NUP93: variants seen among roughly 807,000 people sequenced by gnomAD.
NUP93 encodes nuclear pore complex protein Nup93.
In NUP93, 55 loss-of-function variants were observed where a neutral mutation model predicts 107.8. The ratio of observed to expected loss-of-function variants is 0.51; its 90% CI spans 0.41 to 0.64. The LOEUF is 0.64. Among genes scored for constraint, NUP93 ranks in the 30% least tolerant of loss-of-function variants. NUP93 has a pLI of 0.00. For synonymous variants in NUP93, 390 were observed against 397.5 expected (o/e 0.98, Z 0.22); for missense variants, 937 against 1,044.7 (o/e 0.90, Z 1.42).
chr16:56,823,647 A>G (rs1427526495), intron 7 of NUP93, 60 bp from the exon 8 acceptor site: 53 of 1,591,200 alleles, frequency 3.3e-5, no homozygotes, highest in African/African-American at 4.0e-5. Context: ...AGTGCCACAA[A>G]GAACTAGATA....
intron 8 of NUP93, among the ~76,000 whole-genome samples, chr16:56,826,492 G>A (rs1596846774): frequency 1.4e-5 from 2 of 147,834 alleles, no homozygotes; most frequent in East Asian, 2.0e-4. Flanking sequence ...CTCCAGTCTG[G>A]GCAACAAAGC....
At chr16:56,805,789 C>G in intron 5 of NUP93, 157 bp downstream of exon 5, 1 of 734,040 alleles carries the variant, frequency 1.4e-6, no homozygotes, top group Non-Finnish European at 2.2e-6. Flanking sequence ...GCCTGGACTT[C>G]CTCCAACATG....
chr16:56,739,725 A>ACC (rs1961682773), intron 1 of NUP93, among the ~76,000 whole-genome samples: 1 of 81,500 alleles, frequency 1.2e-5, no homozygotes, highest in Non-Finnish European at 2.3e-5. Context: ...CGGGGGGCCG[A>ACC]CCCCCCCACC....
In NUP93 at chr16:56,836,708, C is replaced by T. The variant is rs779656575; in HGVS notation, c.1890C>T (p.Asp630=). The stretch of plus-strand genomic sequence containing the variant: ...TTGAAGAGGCAGCAAAGCTGTATGA[C>T]CTTGCCAAGGTAAAGTGTGCCCACT... The part of the protein sequence containing the change: ...GLFEEAAKLY[D]LAKNADKVLE... Residue 630 remains aspartate, a synonymous_variant, in exon 17 of 22, where the codon GAC becomes GAT. Transcript: ENST00000308159. 1 of 1,610,192 alleles carries T rather than the reference C, an allele frequency of 6.2e-7. No individual in the cohort carries two copies. Among genetic ancestry groups the T allele is most frequent in the South Asian group, 1.1e-5 (1 of 90,806 alleles).
At position 56,759,987 on chromosome 16, in the gene NUP93, A is replaced by G. The variant is rs142779815; in HGVS notation, c.297+1332A>G. 5.9e-3 allele frequency among the ~76,000 whole-genome samples: 895 copies of G among 152,204 alleles called. 5 individuals are homozygous for G. Among genetic ancestry groups the G allele is most frequent in the Non-Finnish European group, 9.9e-3 (673 of 68,022 alleles). On this transcript the variant is annotated intron_variant, in intron 3 of 21. Transcript: ENST00000308159. ...CTTCATGCATTTCGAGTGATGTGAA[A>G]CTCCATTTTTTTACCTTAAGGTATT...
At chr16:56,838,407 C>G (rs773558192) in intron 18 of NUP93, among the ~76,000 whole-genome samples, 5 of 152,312 alleles carry the variant, frequency 3.3e-5, no homozygotes, top group Admixed American at 1.3e-4. Flanking sequence ...AGATGATGAT[C>G]AAGGCTGGAG....
chr16:56,833,923 A>C (rs925349679), intron 13 of NUP93, among the ~76,000 whole-genome samples: 2 of 152,214 alleles, frequency 1.3e-5, no homozygotes, highest in African/African-American at 4.8e-5. Flanking sequence ...AATTTATGGC[A>C]AAGTGCTGTT....
At chr16:56,842,928 G>T (rs1420752913) in intron 21 of NUP93, among the ~76,000 whole-genome samples, 4 of 152,132 alleles carry the variant, frequency 2.6e-5, no homozygotes, top group Non-Finnish European at 5.9e-5. Flanking sequence ...CAGCATCTCA[G>T]TGTCTAACAT....
chr16:56,837,086 C>A (rs887338493), intron 17 of NUP93, among the ~76,000 whole-genome samples: 5 of 152,108 alleles, frequency 3.3e-5, no homozygotes, highest in African/African-American at 1.2e-4. Flanking sequence ...GAAAATAAGA[C>A]CACATCAGTG....
At chr16:56,835,807 G>C (rs1963897107) in intron 16 of NUP93, among the ~76,000 whole-genome samples, 1 of 152,168 alleles carries the variant, frequency 6.6e-6, no homozygotes, top group Admixed American at 6.5e-5. Flanking sequence ...TTGCTGTTGA[G>C]TGGTGATGGT....
chr16:56,802,948 C>G (rs1281937015), intron 4 of NUP93, among the ~76,000 whole-genome samples: 1 of 152,000 alleles, frequency 6.6e-6, no homozygotes, highest in Non-Finnish European at 1.5e-5. Context: ...TTTTGGTCAT[C>G]TTCCTTCTTC....
chr16:56,823,321 C>A (rs1963588230), intron 7 of NUP93, among the ~76,000 whole-genome samples: 1 of 152,182 alleles, frequency 6.6e-6, no homozygotes, highest in Non-Finnish European at 1.5e-5. Flanking sequence ...GACTGAAATG[C>A]AGCTCTTTGA....
At chr16:56,774,378 A>G (rs1419072054) in intron 3 of NUP93, among the ~76,000 whole-genome samples, 1 of 152,084 alleles carries the variant, frequency 6.6e-6, no homozygotes, top group East Asian at 1.9e-4. Flanking sequence ...AGCTCCTCTC[A>G]TTCTCATTTT....
chr16:56,782,695 G>C (rs1011080839), intron 3 of NUP93: 1 of 152,142 alleles, frequency 6.6e-6, no homozygotes, highest in African/African-American at 2.4e-5. Flanking sequence ...GTGTGTCTGT[G>C]TGTAGGATTC....
chr16:56,819,022 G>A (rs1963491591), intron 6 of NUP93, among the ~76,000 whole-genome samples: 1 of 152,304 alleles, frequency 6.6e-6, no homozygotes, highest in South Asian at 2.1e-4. Flanking sequence ...AAAGCTTCAG[G>A]TAACTGCGCT....
intron 17 of NUP93, among the ~76,000 whole-genome samples, chr16:56,837,155 A>G (rs1210690612): frequency 6.6e-6 from 1 of 152,258 alleles, no homozygotes; most frequent in Non-Finnish European, 1.5e-5. Flanking sequence ...GGACTAGAAT[A>G]CATGTTTCTA....
intron 8 of NUP93, among the ~76,000 whole-genome samples, chr16:56,828,025 CAA>C (rs770852916): frequency 1.3e-5 from 2 of 151,880 alleles, no homozygotes; most frequent in African/African-American, 2.4e-5. Flanking sequence ...GAGGCTGAGA[CAA>C]GAGAAATGCT....
intron 1 of NUP93, among the ~76,000 whole-genome samples, chr16:56,742,067 C>G (rs1259470239): frequency 1.3e-5 from 2 of 152,208 alleles, no homozygotes; most frequent in Admixed American, 1.3e-4. Flanking sequence ...GGAAAATTCA[C>G]ATGGGTTTAA....
chr16:56,815,865 ACTG>A lies in NUP93; in HGVS notation c.490-2768_490-2766del, dbSNP rs59958027. ...TCCAGGATTTCCAGCTACTACTGCT[ACTG>A]CTGCTGCTGCTGCTGCTGCTGCTGC... On this transcript the variant is annotated intron_variant, in intron 5 of 21. Transcript: ENST00000308159. Among the ~76,000 whole-genome samples the A allele has an allele frequency of 3.9e-3, 568 of 147,038 alleles. 6 individuals are homozygous for A. Among genetic ancestry groups the A allele is most frequent in the African/African-American group, 0.012 (464 of 39,570 alleles).
Sources: gnomAD v4.1 joint callset for allele counts (sites outside exome capture counted in the v4.1 genomes callset) on GRCh38, gnomAD v4.1.1 for gene constraint, MANE v1.5 for transcripts, NCBI Gene and HGNC (gene_info 2026-07-23, HGNC 2026-07-21) for gene names.